ARMH3: variants seen among roughly 807,000 people sequenced by gnomAD.
The protein encoded by ARMH3 is armadillo like helical domain containing 3, also known as armadillo-like helical domain-containing protein 3.
A neutral mutation model predicts 99.1 loss-of-function variants in ARMH3; 60 were observed. The observed-to-expected ratio is 0.61, with a 90% confidence interval of 0.49 to 0.75. The LOEUF (loss-of-function observed/expected upper bound fraction) is 0.75. Ranked by LOEUF, ARMH3 falls within the 30% of genes least tolerant of loss-of-function variation. ARMH3 has a pLI of 0.00. For missense variants in ARMH3, 679 were observed against 843.1 expected (o/e 0.81, Z 2.41); for synonymous variants, 285 against 292.8 (o/e 0.97, Z 0.27).
rs896191543 is a variant in ARMH3, at chr10:101,961,838, T to C, written c.1496-4106A>G. ...AGATAACTAAAAAATAAGGGGATGA[T>C]TGCATAAACATAGTACGGTTAATCA... On this transcript the variant is annotated intron_variant, in intron 20 of 25. Transcript: ENST00000370033. Among the ~76,000 whole-genome samples the C allele has an allele frequency of 2.0e-5, 3 of 152,206 alleles. No homozygotes were observed. In the East Asian group the frequency reaches 5.8e-4, roughly 29 times the overall value.
chr10:102,034,806 G>C (rs900739867), intron 2 of ARMH3, among the ~76,000 whole-genome samples: 2 of 152,134 alleles, frequency 1.3e-5, no homozygotes, highest in African/African-American at 4.8e-5. Flanking sequence ...TACTCGGGAG[G>C]CTGAGGCAGG....
chr10:102,016,789 C>CT (rs1295559726), intron 8 of ARMH3, among the ~76,000 whole-genome samples: 1 of 152,188 alleles, frequency 6.6e-6, no homozygotes, highest in African/African-American at 2.4e-5. Context: ...ATTACAAAAT[C>CT]TTTGAGTCTT....
At chr10:101,892,289 A>T (rs543894580) in intron 23 of ARMH3, among the ~76,000 whole-genome samples, 72 of 150,420 alleles carry the variant, frequency 4.8e-4, no homozygotes, top group Admixed American at 8.6e-4. Context: ...TACAAAATAA[A>T]AATAATAATA....
intron 20 of ARMH3, among the ~76,000 whole-genome samples, chr10:101,973,097 AC>A: frequency 6.6e-6 from 1 of 152,346 alleles, no homozygotes; most frequent in Non-Finnish European, 1.5e-5. Flanking sequence ...ATGGTGACTC[AC>A]GTCTGTAATC....
intron 18 of ARMH3, among the ~76,000 whole-genome samples, chr10:101,990,915 T>C (rs1846761809): frequency 6.6e-6 from 1 of 152,216 alleles, no homozygotes; most frequent in Admixed American, 6.5e-5. Flanking sequence ...ATGGCATTAA[T>C]GCAGACTGCC....
chr10:101,988,691 G>C (rs1031176375), intron 19 of ARMH3, among the ~76,000 whole-genome samples: 1 of 152,180 alleles, frequency 6.6e-6, no homozygotes, highest in Non-Finnish European at 1.5e-5. Context: ...GGGAAGCCAA[G>C]GCAGGCAGAT....
intron 19 of ARMH3, among the ~76,000 whole-genome samples, chr10:101,976,427 C>T (rs972240605): frequency 6.7e-5 from 10 of 149,344 alleles, no homozygotes; most frequent in Middle Eastern, 3.2e-3. Flanking sequence ...CACACACACA[C>T]GCAATCACAT....
intron 23 of ARMH3, among the ~76,000 whole-genome samples, chr10:101,894,207 T>A (rs1564728634): frequency 6.6e-6 from 1 of 152,208 alleles, no homozygotes; most frequent in South Asian, 2.1e-4. Context: ...GCTAACCTAA[T>A]GTCCTGGAGA....
At chr10:101,931,449 C>G (rs964646173) in intron 23 of ARMH3, among the ~76,000 whole-genome samples, 1 of 151,656 alleles carries the variant, frequency 6.6e-6, no homozygotes, top group Non-Finnish European at 1.5e-5. Flanking sequence ...CGCTTGAACC[C>G]AAGAGGTGGA....
intron 6 of ARMH3, among the ~76,000 whole-genome samples, chr10:102,024,656 C>CAA (rs775755608): frequency 7.7e-6 from 1 of 129,126 alleles, no homozygotes; most frequent in Non-Finnish European, 1.7e-5. Flanking sequence ...ACTAAAAGTA[C>CAA]AAAAAAAAAA....
At chr10:102,038,094 T>C (rs1279322201) in intron 2 of ARMH3, among the ~76,000 whole-genome samples, 1 of 141,400 alleles carries the variant, frequency 7.1e-6, no homozygotes, top group Non-Finnish European at 1.5e-5. Flanking sequence ...GAATCCTTTT[T>C]TTTTTTTTTT....
chr10:102,030,300 A>G (rs2067098157), intron 4 of ARMH3, among the ~76,000 whole-genome samples: 1 of 152,046 alleles, frequency 6.6e-6, no homozygotes, highest in African/African-American at 2.4e-5. Context: ...CTCATTTTTT[A>G]TTTTCTTGTC....
chr10:101,990,423 G>A (rs539149919), intron 19 of ARMH3, 128 bp downstream of exon 19: 127 of 608,062 alleles, frequency 2.1e-4, no homozygotes, highest in African/African-American at 1.7e-3. Flanking sequence ...CGCCCGCCTC[G>A]GCCTCCCAAG....
At chr10:101,940,175 T>G (rs535630781) in intron 22 of ARMH3, among the ~76,000 whole-genome samples, 4 of 152,344 alleles carry the variant, frequency 2.6e-5, no homozygotes, top group Admixed American at 6.5e-5. Flanking sequence ...AATACTCTAC[T>G]CCTTCTCTGC....
At chr10:102,028,063 AT>A (rs2067039310) in intron 5 of ARMH3, among the ~76,000 whole-genome samples, 1 of 151,830 alleles carries the variant, frequency 6.6e-6, no homozygotes, top group Admixed American at 6.6e-5. Flanking sequence ...AAAAAAAAAA[AT>A]AAAGAAAAGA....
chr10:102,044,091 C>CTTTTTTT (rs778226635), intron 1 of ARMH3, among the ~76,000 whole-genome samples: 2 of 104,124 alleles, frequency 1.9e-5, no homozygotes, highest in Non-Finnish European at 2.0e-5. Context: ...TAATTTTTTT[C>CTTTTTTT]TTTTTTTTTT....
At position 102,029,528 on chromosome 10, in the gene ARMH3, A is replaced by G. The variant is rs757873182; in HGVS notation, c.414+110T>C. 1.4e-5 allele frequency: 22 copies of G among 1,605,232 alleles called. 1 individual carries two copies. In the Admixed American group the frequency reaches 2.2e-4, roughly 16 times the overall value. On this transcript the variant is annotated intron_variant, in intron 5 of 25. Coordinates refer to ENST00000370033, the MANE Select transcript of ARMH3 (RefSeq NM_024541.3). ...TCTAAATGCAAGGCCAAATTCAATC[A>G]TCTGTATCTTTCTGAGTCCAAATCT...
At chr10:101,902,967 T>A (rs775474459) in intron 23 of ARMH3, among the ~76,000 whole-genome samples, 3 of 152,126 alleles carry the variant, frequency 2.0e-5, no homozygotes. Flanking sequence ...CTCTGGCAGA[T>A]TGTCTCCACA....
chr10:101,932,294 C>T (rs929617585), intron 23 of ARMH3, among the ~76,000 whole-genome samples: 5 of 152,256 alleles, frequency 3.3e-5, no homozygotes, highest in Admixed American at 2.0e-4. Flanking sequence ...AAACAGAAAA[C>T]AAGTGTTGGG....
Sources: allele counts gnomAD v4.1 joint callset (sites outside exome capture counted in the v4.1 genomes callset), GRCh38; gene constraint gnomAD v4.1.1; transcripts MANE v1.5; gene names NCBI Gene and HGNC (gene_info 2026-07-23, HGNC 2026-07-21).